The following GZF1 variants were observed in gnomAD, a reference collection of about 807,000 sequenced individuals.
The protein encoded by GZF1 is GDNF inducible zinc finger protein 1, also known as GDNF-inducible zinc finger protein 1.
GZF1 carries 28 observed loss-of-function variants against 49.4 expected under a neutral mutation model. The ratio of observed to expected loss-of-function variants is 0.57; its 90% confidence interval spans 0.42 to 0.78. The LOEUF (loss-of-function observed/expected upper bound fraction) is 0.78, where lower values mean the gene tolerates loss of function less well. Among genes scored for constraint, GZF1 ranks in the 30% least tolerant of loss-of-function variants. The pLI, the probability that GZF1 is intolerant of heterozygous loss-of-function variation, is 0.00. For missense variants in GZF1, 798 were observed against 916.2 expected (o/e 0.87, Z 1.67); for synonymous variants, 364 against 356.0 (o/e 1.02, Z -0.25).
chr20:23,372,186 T>C lies in GZF1; in HGVS notation c.*1745T>C, dbSNP rs909126322. 1 of 152,624 alleles carries C rather than the reference T, an allele frequency of 6.6e-6. No individual in the cohort carries two copies. Among genetic ancestry groups the C allele is most frequent in the Non-Finnish European group, 1.5e-5 (1 of 68,032 alleles). The allele number at this position is 152,624 out of a possible 1,614,324, so 9.5% of individuals were successfully genotyped here. On this transcript the variant is annotated 3_prime_UTR_variant, in exon 6 of 6. Coordinates refer to ENST00000338121, the MANE Select transcript of GZF1 (RefSeq NM_022482.5). ...TTGTTACCTACTGGAGGGATTTTTGTCTTGAATTTGTTTCCTTAGAAATTC... is the reference window on the plus strand; with the variant it reads ...TTGTTACCTACTGGAGGGATTTTTGCCTTGAATTTGTTTCCTTAGAAATTC...
rs776220672 is a variant in GZF1 at position 23,365,391 on chromosome 20, C to T, written c.1008C>T (p.Ser336=). 4.3e-5 allele frequency: 70 copies of T among 1,613,638 alleles called. No individual in the cohort carries two copies. The South Asian group carries it at 6.8e-4, about 16-fold the overall frequency. Residue 336 remains serine (S), a synonymous_variant, in exon 2 of 6, where the codon AGC becomes AGT. Coordinates refer to ENST00000338121, the MANE Select transcript of GZF1 (RefSeq NM_022482.5). ...FLYEKSFLKH[S]KHRHGVATEV... is the part of the protein sequence containing the mutation. Reference sequence around the variant, plus strand: ...ATGAGAAGAGCTTCCTGAAGCACAGCAAGCACCGCCACGGCGTGGCCACCG... The same window carrying T: ...ATGAGAAGAGCTTCCTGAAGCACAGTAAGCACCGCCACGGCGTGGCCACCG...
chr20:23,369,829 GT>G, intron 5 of GZF1, 88 bp downstream of exon 5: 1 of 1,413,786 alleles, frequency 7.1e-7, no homozygotes, highest in Non-Finnish European at 9.7e-7. Flanking sequence ...CTCCAAGGTG[GT>G]TAGAGGTCGA....
chr20:23,365,708 C>T lies in GZF1; in HGVS notation c.1325C>T (p.Ala442Val). The change falls in exon 2 of 6, where the codon GCC (alanine) becomes GTC (valine). Residue 442 changes from alanine (A) to valine (V), a missense_variant. Coordinates refer to ENST00000338121, the MANE Select transcript of GZF1 (RefSeq NM_022482.5). ...DRPYGCTECG[A>V]RFSQPSALKT... ...CCCTACGGCTGCACCGAGTGCGGCG[C>T]CAGGTTCTCGCAGCCGTCCGCGCTC... 1 of 1,565,294 alleles carries T rather than the reference C, an allele frequency of 6.4e-7. No individual in the cohort carries two copies. The highest frequency in any genetic ancestry group is 1.2e-5 in the South Asian group (1 of 86,954).
chr20:23,366,869 T>C, intron 2 of GZF1, 134 bp from the exon 3 acceptor site: 1 of 679,242 alleles, frequency 1.5e-6, no homozygotes, highest in Non-Finnish European at 2.6e-6. Flanking sequence ...GATTATGGGC[T>C]CTTGACCTGT....
upstream of GZF1, among the ~76,000 whole-genome samples, chr20:23,361,369 CA>C (rs1370114367): frequency 1.3e-5 from 2 of 152,220 alleles, no homozygotes; most frequent in Non-Finnish European, 2.9e-5. Flanking sequence ...GTGGAAACAG[CA>C]AGATTTCGAG....
At chr20:23,366,672 C>A (rs1398280977) in intron 2 of GZF1, among the ~76,000 whole-genome samples, 1 of 152,126 alleles carries the variant, frequency 6.6e-6, no homozygotes, top group African/African-American at 2.4e-5. Context: ...GACAGCTTTA[C>A]AAATATCAGA....
In GZF1 at chr20:23,365,647, C is replaced by G. The variant is rs373882555; in HGVS notation, c.1264C>G (p.Leu422Val). 1.9e-6 allele frequency: 3 copies of G among 1,602,394 alleles called. No homozygotes were observed. The African/African-American group carries it at 4.0e-5, about 21-fold the overall frequency. The change falls in exon 2 of 6, where the codon CTG becomes GTG. Residue 422 changes from leucine to valine, a missense_variant. Physicochemically the swap from Leu to Val is conservative, Grantham distance 32 (BLOSUM62 1). This residue lies in a region of GZF1 where 446 missense variants were observed against 540.1 expected (regional missense o/e 0.83). Coordinates refer to ENST00000338121, the MANE Select transcript of GZF1 (RefSeq NM_022482.5). ...CAAGGGCCTGAGTTCCAAGACAGCGCTGCGGCTGCACGAGCGCACACACAC... is the reference window on the plus strand; with the variant it reads ...CAAGGGCCTGAGTTCCAAGACAGCGGTGCGGCTGCACGAGCGCACACACAC... ...CGKGLSSKTA[L>V]RLHERTHTGD...
chr20:23,365,793 G>T (rs1432596956), intron 2 of GZF1, 46 bp downstream of exon 2: 4 of 1,468,526 alleles, frequency 2.7e-6, no homozygotes, highest in Non-Finnish European at 3.6e-6. Flanking sequence ...CTGGAAGGGT[G>T]TGTCAAGCAC....
At chr20:23,368,971 A>G in intron 4 of GZF1, 42 bp downstream of exon 4, 1 of 518,074 alleles carries the variant, frequency 1.9e-6, no homozygotes, top group Non-Finnish European at 2.6e-6. Context: ...TAGTTTGGCC[A>G]AAAAAAAAAT....
rs1568586133 is a variant in GZF1 at position 23,365,706 on chromosome 20, C to T, written c.1323C>T (p.Gly441=). The T allele has an allele frequency of 1.3e-6, 2 of 1,567,196 alleles. No individual in the cohort carries two copies. Among genetic ancestry groups the T allele is most frequent in the Non-Finnish European group, 1.7e-6 (2 of 1,161,564 alleles). The change falls in exon 2 of 6, where the codon GGC becomes GGT. Residue 441 remains glycine (G), a synonymous_variant. Coordinates refer to ENST00000338121, the MANE Select transcript of GZF1 (RefSeq NM_022482.5). ...GGCCCTACGGCTGCACCGAGTGCGG[C>T]GCCAGGTTCTCGCAGCCGTCCGCGC... The part of the protein sequence containing the change: ...GDRPYGCTEC[G]ARFSQPSALK...
intron 1 of GZF1, chr20:23,363,265 C>G (rs1451730325): frequency 2.6e-5 from 4 of 152,246 alleles, no homozygotes; most frequent in African/African-American, 9.7e-5. Context: ...CCGAAGGAGG[C>G]TAGAAGGAAG....
chr20:23,365,002 A>C lies in GZF1; in HGVS notation c.619A>C (p.Lys207Gln). ...GAAGAAGTCCAAGGACAAACTAGAC[A>C]AGAAGAAAGAGGTAGTTAAACCTCC... Reference protein sequence around the residue: ...PPKKSKDKLDKKKEVVKPPYP... With the variant: ...PPKKSKDKLDQKKEVVKPPYP... The change falls in exon 2 of 6, where the codon AAG becomes CAG. Residue 207 changes from lysine (K) to glutamine (Q), a missense_variant. Around this residue, in one of 3 missense-constraint regions of GZF1, gnomAD observed 247 missense variants for 228.5 expected, o/e 1.08. Transcript: ENST00000338121. 1 of 1,614,224 alleles carries C rather than the reference A, an allele frequency of 6.2e-7. No homozygotes were observed. Among genetic ancestry groups the C allele is most frequent in the Non-Finnish European group, 8.5e-7 (1 of 1,180,044 alleles).
Position 23,372,839 on chromosome 20 carries a change from G to A in GZF1, c.*2398G>A, listed in dbSNP as rs1982209021. 6.6e-6 allele frequency: 1 copy of A among 152,162 alleles called. No individual in the cohort carries two copies. Among genetic ancestry groups the A allele is most frequent in the Admixed American group, 6.5e-5 (1 of 15,284 alleles). 9.4% of individuals were successfully genotyped at this position (152,162 alleles called of 1,614,324 possible). A position where few individuals can be genotyped will look rare whatever the true frequency, so the allele number is the denominator to read the frequency against. ...TTCCAACCATTTTCTGTGAAATGCT[G>A]TCAGCCCAAACTCCAAAGGGATGTG... On this transcript the variant is annotated 3_prime_UTR_variant, in exon 6 of 6. Coordinates refer to ENST00000338121, the MANE Select transcript of GZF1 (RefSeq NM_022482.5).
At position 23,362,211 on chromosome 20, in the gene GZF1, G is replaced by A. The variant is rs1980736237; in HGVS notation, c.-48G>A. The A allele has an allele frequency of 1.3e-5, 2 of 152,084 alleles. No homozygotes were observed. Among genetic ancestry groups the A allele is most frequent in the South Asian group, 4.1e-4 (2 of 4,838 alleles). The allele number at this position is 152,084 out of a possible 1,614,324, so 9.4% of individuals were successfully genotyped here. On this transcript the variant is annotated 5_prime_UTR_variant, in exon 1 of 6. Transcript: ENST00000338121. ...CTACCGGCCTGGTCCAGCGGACAGCGGCTGCAGCGGGGGCGCCGGCTGGGA... is the reference window on the plus strand; with the variant it reads ...CTACCGGCCTGGTCCAGCGGACAGCAGCTGCAGCGGGGGCGCCGGCTGGGA...
At chr20:23,362,338 G>T (rs1980761955) in intron 1 of GZF1, 101 bp downstream of exon 1, 1 of 152,254 alleles carries the variant, frequency 6.6e-6, no homozygotes, top group Non-Finnish European at 1.5e-5. Flanking sequence ...GCGTCTCGGG[G>T]ATGCGGGAGC....
chr20:23,370,247 C>T lies in GZF1; in HGVS notation c.1942C>T (p.His648Tyr), dbSNP rs1007465968. 1.2e-6 allele frequency: 2 copies of T among 1,614,170 alleles called. No individual in the cohort carries two copies. Among genetic ancestry groups the T allele is most frequent in the East Asian group, 2.2e-5 (1 of 44,878 alleles). ...LLSFAENGHF[H>Y]NLAAVQDTVP... Reference sequence around the variant, plus strand: ...GTCTTTTGCAGAAAATGGCCATTTCCACAACCTGGCTGCAGTCCAAGACAC... The same window carrying T: ...GTCTTTTGCAGAAAATGGCCATTTCTACAACCTGGCTGCAGTCCAAGACAC... The change falls in exon 6 of 6, where the codon CAC (histidine) becomes TAC (tyrosine). Residue 648 changes from histidine to tyrosine, a missense_variant. His to Tyr is a moderately conservative substitution (Grantham distance 83, BLOSUM62 2). This residue lies in a region of GZF1 where 446 missense variants were observed against 540.1 expected (regional missense o/e 0.83). Coordinates refer to ENST00000338121, the MANE Select transcript of GZF1 (RefSeq NM_022482.5).
Position 23,370,104 on chromosome 20 carries a change from A to G in GZF1, c.1799A>G (p.Asn600Ser), listed in dbSNP as rs373849617. 4.4e-5 allele frequency: 71 copies of G among 1,613,826 alleles called. No homozygotes were observed. In the African/African-American group the frequency reaches 8.7e-4, roughly 20 times the overall value. The change falls in exon 6 of 6, where the codon AAT becomes AGT. Residue 600 changes from asparagine (N) to serine (S), a missense_variant. Asn to Ser is a conservative substitution (Grantham distance 46, BLOSUM62 1). Around this residue, in one of 3 missense-constraint regions of GZF1, gnomAD observed 446 missense variants for 540.1 expected, o/e 0.83. Coordinates refer to ENST00000338121, the MANE Select transcript of GZF1 (RefSeq NM_022482.5). The stretch of plus-strand genomic sequence containing the variant: ...TTTAACTTATAGATACACGATAAGA[A>G]TACTCCATGGAAGTCTTTCCTTGTC... ...LRRHTSIHDK[N>S]TPWKSFLVIV...
At chr20:23,366,566 T>C (rs1165406547) in intron 2 of GZF1, among the ~76,000 whole-genome samples, 2 of 152,238 alleles carry the variant, frequency 1.3e-5, no homozygotes, top group African/African-American at 4.8e-5. Flanking sequence ...TCTCTACTGG[T>C]GATGTCATAT....
Position 23,370,644 on chromosome 20 carries a change from C to T in GZF1, c.*203C>T. 1.7e-6 allele frequency: 1 copy of T among 574,930 alleles called. No individual in the cohort carries two copies. The highest frequency in any genetic ancestry group is 2.2e-5 in the South Asian group (1 of 46,160). The allele number at this position is 574,930 out of a possible 1,614,324, so 35.6% of individuals were successfully genotyped here. A position where few individuals can be genotyped will look rare whatever the true frequency, so the allele number is the denominator to read the frequency against. On this transcript the variant is annotated 3_prime_UTR_variant, in exon 6 of 6. Coordinates refer to ENST00000338121, the MANE Select transcript of GZF1 (RefSeq NM_022482.5). The stretch of plus-strand genomic sequence containing the variant: ...CCTCAAAAATCCTGATCTGCATGAT[C>T]TCAGCTACTTTATTGACAAAAAGGC...
Sources: gnomAD v4.1 joint callset for allele counts (sites outside exome capture counted in the v4.1 genomes callset) on GRCh38, gnomAD v4.1.1 for gene constraint, gnomAD v4.1.1 regional missense constraint, MANE v1.5 for transcripts, NCBI Gene and HGNC (gene_info 2026-07-23, HGNC 2026-07-21) for gene names.